PLA2G5: variants seen among roughly 807,000 people sequenced by gnomAD.
The protein encoded by PLA2G5 is phospholipase A2 group V.
A neutral mutation model predicts 15.9 loss-of-function variants in PLA2G5; 12 were observed. The observed-to-expected ratio is 0.76, with a 90% confidence interval of 0.48 to 1.23. The LOEUF is 1.23. Among genes scored for constraint, PLA2G5 ranks in the 50% most tolerant of loss-of-function variants. PLA2G5 has a pLI of 0.00. For missense variants in PLA2G5, 169 were observed against 177.1 expected, an observed-to-expected ratio of 0.95 and a Z score of 0.26; for synonymous variants, 71 against 71.4, an observed-to-expected ratio of 0.99 and a Z score of 0.03.
At chr1:20,040,312 G>A (rs2100331234) in intron 1 of PLA2G5, among the ~76,000 whole-genome samples, 1 of 152,218 alleles carries the variant, frequency 6.6e-6, no homozygotes, top group East Asian at 1.9e-4. Context: ...GATAAGCAAT[G>A]GAGAGTCTTA....
At chr1:20,071,197 C>T (rs372889130) in intron 1 of PLA2G5, among the ~76,000 whole-genome samples, 7 of 152,168 alleles carry the variant, frequency 4.6e-5, no homozygotes, top group East Asian at 1.9e-4. Flanking sequence ...CTCATAGGGT[C>T]ACCCTAGGGA....
intron 1 of PLA2G5, among the ~76,000 whole-genome samples, chr1:20,042,465 C>G (rs1165615897): frequency 1.3e-5 from 2 of 152,132 alleles, no homozygotes; most frequent in Non-Finnish European, 2.9e-5. Context: ...AGGGTGCGGT[C>G]CCAGCTCTTG....
At chr1:20,036,484 C>A (rs932545729) in intron 1 of PLA2G5, among the ~76,000 whole-genome samples, 7 of 151,956 alleles carry the variant, frequency 4.6e-5, no homozygotes, top group African/African-American at 1.7e-4. Context: ...AATTAGAAAG[C>A]CTTGTTTTCA....
chr1:20,076,406 G>A (rs2015682244), intron 1 of PLA2G5, among the ~76,000 whole-genome samples: 1 of 152,076 alleles, frequency 6.6e-6, no homozygotes, highest in Non-Finnish European at 1.5e-5. Flanking sequence ...TGTTTATAAG[G>A]AAACCACGTG....
intron 1 of PLA2G5, among the ~76,000 whole-genome samples, chr1:20,041,888 T>C (rs1055484867): frequency 6.6e-6 from 1 of 152,186 alleles, no homozygotes; most frequent in East Asian, 1.9e-4. Context: ...AGCTACCTTA[T>C]CAGCATAAGC....
chr1:20,052,967 T>G (rs2014249125), intron 1 of PLA2G5, among the ~76,000 whole-genome samples: 1 of 152,178 alleles, frequency 6.6e-6, no homozygotes, highest in African/African-American at 2.4e-5. Flanking sequence ...TTGTCCTGCC[T>G]TTTCTTTGGG....
intron 1 of PLA2G5, chr1:20,059,519 G>A (rs905129132): frequency 2.0e-5 from 3 of 152,200 alleles, no homozygotes; most frequent in Non-Finnish European, 4.4e-5. Context: ...AGTTGGAAGT[G>A]AAGTACAAAT....
upstream of PLA2G5, chr1:20,066,258 A>G (rs2015021334): frequency 6.6e-6 from 1 of 152,062 alleles, no homozygotes; most frequent in Non-Finnish European, 1.5e-5. Flanking sequence ...CTCATTTTTT[A>G]ATTGAGTTAT....
intron 1 of PLA2G5, among the ~76,000 whole-genome samples, chr1:20,080,931 C>A (rs1038193787): frequency 5.3e-5 from 8 of 151,878 alleles, no homozygotes; most frequent in African/African-American, 1.9e-4. Context: ...GGAGTGAACC[C>A]CCATCACCTC....
chr1:20,032,867 G>C (rs1213127819), intron 1 of PLA2G5, among the ~76,000 whole-genome samples: 2 of 152,172 alleles, frequency 1.3e-5, no homozygotes, highest in African/African-American at 4.8e-5. Flanking sequence ...TTGCTAAGAA[G>C]TTTTCATTGG....
chr1:20,088,005 A>T (rs1193486830), intron 3 of PLA2G5, among the ~76,000 whole-genome samples: 1 of 152,204 alleles, frequency 6.6e-6, no homozygotes, highest in East Asian at 1.9e-4. Context: ...GTACCCCCTC[A>T]AAACAGTCAA....
chr1:20,053,843 T>C (rs1174989029), intron 1 of PLA2G5, among the ~76,000 whole-genome samples: 1 of 152,250 alleles, frequency 6.6e-6, no homozygotes, highest in African/African-American at 2.4e-5. Context: ...CTTTGTGTTG[T>C]ATATTCCATG....
At chr1:20,032,568 C>G (rs1016745238) in intron 1 of PLA2G5, among the ~76,000 whole-genome samples, 35 of 152,062 alleles carry the variant, frequency 2.3e-4, no homozygotes, top group African/African-American at 8.0e-4. Flanking sequence ...GCAAAGGGAA[C>G]ATGCCTTAGT....
chr1:20,044,247 G>A (rs1219572928), intron 1 of PLA2G5, among the ~76,000 whole-genome samples: 1 of 152,192 alleles, frequency 6.6e-6, no homozygotes, highest in Non-Finnish European at 1.5e-5. Context: ...GTGTGCTGGA[G>A]GTATGGCTGG....
intron 1 of PLA2G5, among the ~76,000 whole-genome samples, chr1:20,084,395 C>T (rs1275687576): frequency 2.0e-5 from 3 of 152,216 alleles, no homozygotes; most frequent in Non-Finnish European, 4.4e-5. Flanking sequence ...GCGTCAAGTG[C>T]TCTCTGTCCA....
In PLA2G5 at chr1:20,091,626, AT is replaced by A. The variant is rs970312433; in HGVS notation, c.*943del. Among the ~76,000 whole-genome samples, 39 of 151,866 alleles carry A rather than the reference AT, an allele frequency of 2.6e-4. No individual in the cohort carries two copies. The highest frequency in any genetic ancestry group is 6.8e-3 in the Middle Eastern group (2 of 292). On this transcript the variant is annotated 3_prime_UTR_variant, in exon 5 of 5. Transcript: ENST00000375108. ...GGTTCTAGGATTTCACACAGCAGGAATTTTTTTTTAATAGGTGTCAGCTGTG... is the reference window on the plus strand; with the variant it reads ...GGTTCTAGGATTTCACACAGCAGGAATTTTTTTTAATAGGTGTCAGCTGTG...
At chr1:20,029,603 G>C (rs2012796218) in intron 1 of PLA2G5, among the ~76,000 whole-genome samples, 1 of 152,120 alleles carries the variant, frequency 6.6e-6, no homozygotes, top group African/African-American at 2.4e-5. Context: ...TAGCTTTATG[G>C]GAGTGGAGCC....
Position 20,054,088 on chromosome 1 carries a change from A to C in PLA2G5, n.277-5544A>C, listed in dbSNP as rs899871288. Reference sequence around the variant, plus strand: ...ATAACCCTCCACTTGGTCCTCCTCCATGCTCCTCCATGGCCTCAACTCCTA... The same window carrying C: ...ATAACCCTCCACTTGGTCCTCCTCCCTGCTCCTCCATGGCCTCAACTCCTA... On this transcript the variant is annotated intron_variant and non_coding_transcript_variant, in intron 1 of 6. Transcript: ENST00000460175. 7.7e-5 allele frequency among the ~76,000 whole-genome samples: 9 copies of C among 117,544 alleles called. No individual in the cohort carries two copies. The South Asian group carries it at 2.1e-3, about 28-fold the overall frequency. The allele number at this position is 117,544 out of a possible 152,430, so 77.1% of individuals were successfully genotyped here.
chr1:20,055,004 GA>G (rs1383102403), intron 1 of PLA2G5, among the ~76,000 whole-genome samples: 10 of 151,978 alleles, frequency 6.6e-5, no homozygotes, highest in African/African-American at 2.4e-4. Context: ...CTCTTATAAT[GA>G]AAAAATAATT....
Sources: allele counts gnomAD v4.1 joint callset (sites outside exome capture counted in the v4.1 genomes callset), GRCh38; gene constraint gnomAD v4.1.1; transcripts MANE v1.5; gene names NCBI Gene and HGNC (gene_info 2026-07-23, HGNC 2026-07-21).